RBFOX1: variants seen among roughly 807,000 people sequenced by gnomAD.
RBFOX1 encodes RNA binding fox-1 homolog 1.
Under a neutral mutation model 57.7 loss-of-function variants are expected in RBFOX1, and 8 were observed. The ratio of observed to expected loss-of-function variants is 0.14; its 90% CI spans 0.08 to 0.25. RBFOX1 has a LOEUF of 0.25. Ranked by LOEUF, RBFOX1 falls within the 10% of genes least tolerant of loss-of-function variation. The probability of loss-of-function intolerance (pLI) is 1.00; values close to 1 mark genes in which losing one functional copy is unlikely to be tolerated. For synonymous variants in RBFOX1, 326 were observed against 222.4 expected (o/e 1.47, Z -4.15); for missense variants, 611 against 548.5 (o/e 1.11, Z -1.14).
chr16:6,806,379 G>A (rs908576175), intron 3 of RBFOX1, among the ~76,000 whole-genome samples: 1 of 152,148 alleles, frequency 6.6e-6, no homozygotes, highest in South Asian at 2.1e-4. Context: ...AAACTGGTCT[G>A]TAATAAGGAA....
At chr16:6,673,456 T>G (rs960028700) in intron 3 of RBFOX1, among the ~76,000 whole-genome samples, 2 of 151,900 alleles carry the variant, frequency 1.3e-5, no homozygotes, top group African/African-American at 4.8e-5. Context: ...GGCCTGGTGG[T>G]GCATGCCTGT....
At chr16:6,308,547 G>A (rs555045080) in intron 1 of RBFOX1, among the ~76,000 whole-genome samples, 1 of 152,260 alleles carries the variant, frequency 6.6e-6, no homozygotes, top group African/African-American at 2.4e-5. Flanking sequence ...TGAACATCCT[G>A]CTCGTGTGGC....
chr16:6,794,720 G>C (rs575655897), intron 3 of RBFOX1, among the ~76,000 whole-genome samples: 57 of 152,142 alleles, frequency 3.7e-4, no homozygotes, highest in Non-Finnish European at 6.8e-4. Flanking sequence ...AATCATAATA[G>C]CAGCTTGGAT....
At chr16:7,014,985 A>C (rs947862639) in intron 3 of RBFOX1, among the ~76,000 whole-genome samples, 1 of 152,086 alleles carries the variant, frequency 6.6e-6, no homozygotes, top group Non-Finnish European at 1.5e-5. Context: ...GGACCTCCCA[A>C]AGGGCTGGAA....
chr16:6,464,238 G>T (rs1597615327), intron 2 of RBFOX1, among the ~76,000 whole-genome samples: 1 of 152,086 alleles, frequency 6.6e-6, no homozygotes, highest in East Asian at 1.9e-4. Flanking sequence ...TAGCCATTTT[G>T]GTACTACTGT....
intron 4 of RBFOX1, among the ~76,000 whole-genome samples, chr16:7,095,076 G>A (rs527869353): frequency 1.3e-5 from 2 of 152,040 alleles, no homozygotes; most frequent in Non-Finnish European, 2.9e-5. Context: ...GATGATATTA[G>A]TAATTTGTTT....
chr16:6,743,302 A>G (rs1183779194), intron 3 of RBFOX1, among the ~76,000 whole-genome samples: 1 of 152,212 alleles, frequency 6.6e-6, no homozygotes, highest in Non-Finnish European at 1.5e-5. Flanking sequence ...CCAATAGGTT[A>G]TAGGTTTAAA....
chr16:7,657,373 C>T (rs1037489641), intron 12 of RBFOX1, among the ~76,000 whole-genome samples: 5 of 152,174 alleles, frequency 3.3e-5, no homozygotes, highest in East Asian at 1.9e-4. Flanking sequence ...GGCACGATCT[C>T]GACTCACTGC....
chr16:5,983,909 T>C (rs1430195586), intron 4 of RBFOX1, among the ~76,000 whole-genome samples: 1 of 123,172 alleles, frequency 8.1e-6, no homozygotes, highest in Non-Finnish European at 1.7e-5. Context: ...CTCCTCCTCC[T>C]CCTCTTCCTC....
chr16:5,793,106 T>C (rs551711165), intron 3 of RBFOX1, among the ~76,000 whole-genome samples: 1 of 152,274 alleles, frequency 6.6e-6, no homozygotes, highest in African/African-American at 2.4e-5. Context: ...TATGTCCAGG[T>C]GTCGGTAGGG....
At chr16:5,326,762 G>C (rs2064586016) in intron 1 of RBFOX1, among the ~76,000 whole-genome samples, 2 of 152,218 alleles carry the variant, frequency 1.3e-5, no homozygotes, top group Admixed American at 1.3e-4. Context: ...GTCTGGCAAT[G>C]AATGGAGGAG....
intron 1 of RBFOX1, among the ~76,000 whole-genome samples, chr16:5,460,068 G>C (rs1194053321): frequency 2.0e-5 from 3 of 152,166 alleles, no homozygotes; most frequent in Non-Finnish European, 1.5e-5. Flanking sequence ...CTCTGGATGG[G>C]GAGACAGGTA....
intron 1 of RBFOX1, among the ~76,000 whole-genome samples, chr16:5,272,058 A>G (rs1304659714): frequency 6.6e-6 from 1 of 152,246 alleles, no homozygotes; most frequent in Non-Finnish European, 1.5e-5. Flanking sequence ...TGCAGTGAAC[A>G]TAGGAATGTA....
intron 3 of RBFOX1, among the ~76,000 whole-genome samples, chr16:5,832,165 G>C (rs1350252550): frequency 6.6e-6 from 1 of 152,202 alleles, no homozygotes; most frequent in Non-Finnish European, 1.5e-5. Flanking sequence ...GGTAACCTGG[G>C]TTAGGTATAA....
intron 3 of RBFOX1, among the ~76,000 whole-genome samples, chr16:7,028,446 G>T (rs11866544): frequency 0.76 from 115,379 of 150,978 alleles, 44,243 homozygotes; most frequent in East Asian, 0.92. Flanking sequence ...AATTAGCTGG[G>T]CGTGGTGGCT....
chr16:6,696,825 T>C (rs965358302), intron 3 of RBFOX1, among the ~76,000 whole-genome samples: 4 of 152,228 alleles, frequency 2.6e-5, no homozygotes, highest in Non-Finnish European at 5.9e-5. Flanking sequence ...AACATTTACA[T>C]TGATTTTCTT....
intron 1 of RBFOX1, among the ~76,000 whole-genome samples, chr16:6,156,293 A>C (rs1021098479): frequency 6.6e-6 from 1 of 152,164 alleles, no homozygotes; most frequent in Admixed American, 6.6e-5. Context: ...CAGCTAATGG[A>C]ACATTGATTT....
At chr16:6,088,769 G>A (rs923419060) in intron 1 of RBFOX1, among the ~76,000 whole-genome samples, 3 of 151,970 alleles carry the variant, frequency 2.0e-5, no homozygotes, top group African/African-American at 7.3e-5. Flanking sequence ...GTAATTTCCT[G>A]AAGAAGGGGT....
chr16:7,068,400 A>C (rs76873984), intron 4 of RBFOX1, among the ~76,000 whole-genome samples: 1 of 152,116 alleles, frequency 6.6e-6, no homozygotes, highest in Non-Finnish European at 1.5e-5. Flanking sequence ...GAGCATTCAG[A>C]ACTACCATCC....
Sources: allele counts gnomAD v4.1 joint callset (sites outside exome capture counted in the v4.1 genomes callset), GRCh38; gene constraint gnomAD v4.1.1; transcripts MANE v1.5; gene names NCBI Gene and HGNC (gene_info 2026-07-23, HGNC 2026-07-21).